Variants in MYT1L observed in about 807,000 individuals in gnomAD.
The protein encoded by MYT1L is myelin transcription factor 1 like.
Under a neutral mutation model 126.7 loss-of-function variants are expected in MYT1L, and 12 were observed. The observed-to-expected ratio is 0.09, with a 90% CI of 0.06 to 0.15. The LOEUF (loss-of-function observed/expected upper bound fraction) is 0.15, where lower values mean the gene tolerates loss of function less well. Among genes scored for constraint, MYT1L ranks in the 10% least tolerant of loss-of-function variants. The pLI is 1.00. For synonymous variants in MYT1L, 541 were observed against 604.2 expected (o/e 0.90, Z 1.53); for missense variants, 979 against 1,585.2 (o/e 0.62, Z 6.49).
At chr2:2,190,721 T>C (rs1164245279) in intron 2 of MYT1L, among the ~76,000 whole-genome samples, 1 of 152,206 alleles carries the variant, frequency 6.6e-6, no homozygotes, top group African/African-American at 2.4e-5. Flanking sequence ...ATACTCAGAA[T>C]AGGTGATTGT....
At chr2:2,017,263 T>C (rs1336863092) in intron 4 of MYT1L, among the ~76,000 whole-genome samples, 2 of 152,248 alleles carry the variant, frequency 1.3e-5, no homozygotes, top group East Asian at 1.9e-4. Context: ...CTTTGTAGCA[T>C]TCTGCATCTT....
At chr2:2,130,928 G>A (rs1028607833) in intron 3 of MYT1L, among the ~76,000 whole-genome samples, 3 of 152,156 alleles carry the variant, frequency 2.0e-5, no homozygotes, top group African/African-American at 4.8e-5. Flanking sequence ...CTCCTTTCAT[G>A]AGTGTGTTTA....
At chr2:2,184,871 A>G (rs2091949944) in intron 2 of MYT1L, among the ~76,000 whole-genome samples, 1 of 152,226 alleles carries the variant, frequency 6.6e-6, no homozygotes. Context: ...GGGACCCGCC[A>G]AGAGAGGCCG....
At chr2:2,005,772 C>T (rs1433329256) in intron 4 of MYT1L, among the ~76,000 whole-genome samples, 2 of 136,644 alleles carry the variant, frequency 1.5e-5, no homozygotes, top group East Asian at 2.2e-4. Context: ...TCCTGCGTGC[C>T]TTCTTTCCTG....
intron 8 of MYT1L, among the ~76,000 whole-genome samples, chr2:1,971,269 T>C (rs1350510788): frequency 1.3e-5 from 2 of 152,204 alleles, no homozygotes; most frequent in Non-Finnish European, 2.9e-5. Context: ...TCATGTTGCA[T>C]TCACAATACA....
intron 23 of MYT1L, 96 bp from the exon 24 acceptor site, chr2:1,792,560 G>C (rs2032335630): frequency 1.5e-6 from 2 of 1,327,278 alleles, no homozygotes; most frequent in Non-Finnish European, 2.0e-6. Context: ...GCGAAGAAGG[G>C]GCCTCTCGCT....
chr2:2,052,663 G>A (rs536424446), intron 4 of MYT1L, among the ~76,000 whole-genome samples: 1 of 152,230 alleles, frequency 6.6e-6, no homozygotes, highest in African/African-American at 2.4e-5. Context: ...TAAACACATG[G>A]AAAGATGCTT....
intron 9 of MYT1L, among the ~76,000 whole-genome samples, chr2:1,940,618 T>A (rs573559540): frequency 5.0e-4 from 76 of 150,920 alleles, no homozygotes; most frequent in Non-Finnish European, 9.4e-4. Context: ...AGGTTATCTC[T>A]CAACATCTCC....
intron 19 of MYT1L, among the ~76,000 whole-genome samples, chr2:1,844,066 G>A (rs574154612): frequency 1.7e-3 from 264 of 152,238 alleles, no homozygotes; most frequent in African/African-American, 6.3e-3. Context: ...GCACCTGTGA[G>A]AAGCCTGTGC....
chr2:2,300,018 C>A (rs1035066461), intron 1 of MYT1L, among the ~76,000 whole-genome samples: 8 of 152,160 alleles, frequency 5.3e-5, no homozygotes, highest in Non-Finnish European at 1.2e-4. Flanking sequence ...CTCAAGTTCG[C>A]TTATTATTAT....
At chr2:1,915,860 A>G (rs1379239156) in intron 11 of MYT1L, among the ~76,000 whole-genome samples, 2 of 152,200 alleles carry the variant, frequency 1.3e-5, no homozygotes, top group Admixed American at 6.5e-5. Flanking sequence ...AGGGTGGCAG[A>G]GTCTCTGACT....
chr2:2,063,497 G>C (rs867347338), intron 3 of MYT1L, among the ~76,000 whole-genome samples: 1 of 152,110 alleles, frequency 6.6e-6, no homozygotes, highest in African/African-American at 2.4e-5. Flanking sequence ...TGTGCCCCCA[G>C]AGCATACAGC....
intron 2 of MYT1L, among the ~76,000 whole-genome samples, chr2:2,222,610 G>A (rs562678695): frequency 1.3e-5 from 2 of 152,158 alleles, no homozygotes; most frequent in East Asian, 3.9e-4. Context: ...AAATTATGAT[G>A]TTGCCTGGTT....
chr2:2,327,705 T>C (rs1427943367), intron 1 of MYT1L, among the ~76,000 whole-genome samples: 1 of 152,140 alleles, frequency 6.6e-6, no homozygotes, highest in Non-Finnish European at 1.5e-5. Flanking sequence ...TGGTTATTGA[T>C]TGAAAATTAT....
intron 2 of MYT1L, among the ~76,000 whole-genome samples, chr2:2,279,341 A>G (rs2095412607): frequency 6.6e-6 from 1 of 152,108 alleles, no homozygotes; most frequent in Non-Finnish European, 1.5e-5. Context: ...GCCTTCTTAC[A>G]TATCAAAGAA....
chr2:2,001,237 C>CTTTTTTTTTTTTTTTTTCTTTTT (rs11389323), intron 4 of MYT1L, among the ~76,000 whole-genome samples: 1 of 103,910 alleles, frequency 9.6e-6, no homozygotes, highest in African/African-American at 3.8e-5. Context: ...TTGGTTTTAG[C>CTTTTTTTTTTTTTTTTTCTTTTT]TTTTTTTTTT....
chr2:2,146,542 T>C (rs1480905074), intron 3 of MYT1L, among the ~76,000 whole-genome samples: 1 of 152,188 alleles, frequency 6.6e-6, no homozygotes, highest in Non-Finnish European at 1.5e-5. Flanking sequence ...TGGAGACAGA[T>C]ACGACCCCTA....
chr2:2,039,713 T>A (rs945566933), intron 4 of MYT1L, among the ~76,000 whole-genome samples: 3 of 152,206 alleles, frequency 2.0e-5, no homozygotes, highest in African/African-American at 7.2e-5. Flanking sequence ...TGAGTTCATT[T>A]GGGCATAGAA....
chr2:1,940,121 C>T (rs543982398), intron 9 of MYT1L, among the ~76,000 whole-genome samples: 247 of 152,336 alleles, frequency 1.6e-3, no homozygotes, highest in Middle Eastern at 3.4e-3. Flanking sequence ...GAGTATCACG[C>T]TCTACTGCCA....
Sources: gnomAD v4.1 joint callset for allele counts (sites outside exome capture counted in the v4.1 genomes callset) on GRCh38, gnomAD v4.1.1 for gene constraint, MANE v1.5 for transcripts, NCBI Gene and HGNC (gene_info 2026-07-23, HGNC 2026-07-21) for gene names.